Variants in HIBADH observed in about 807,000 individuals in gnomAD.
The protein encoded by HIBADH is 3-hydroxyisobutyrate dehydrogenase, also known as 3-hydroxyisobutyrate dehydrogenase, mitochondrial.
In HIBADH, 25 loss-of-function variants were observed where a neutral mutation model predicts 36.1. The ratio of observed to expected loss-of-function variants is 0.69; its 90% CI spans 0.50 to 0.97. HIBADH has a LOEUF of 0.97. HIBADH is among the 50% of genes least tolerant of loss of function. The pLI, the probability that HIBADH is intolerant of heterozygous loss-of-function variation, is 0.00. For missense variants in HIBADH, 421 were observed against 418.0 expected (o/e 1.01, Z -0.06); for synonymous variants, 160 against 149.5 (o/e 1.07, Z -0.51).
At chr7:27,558,961 A>G (rs920929615) in intron 4 of HIBADH, among the ~76,000 whole-genome samples, 1 of 152,190 alleles carries the variant, frequency 6.6e-6, no homozygotes, top group Non-Finnish European at 1.5e-5. Context: ...TGGGTGGCTT[A>G]AACAACAGAA....
intron 4 of HIBADH, among the ~76,000 whole-genome samples, chr7:27,572,374 A>G (rs1784642875): frequency 1.3e-5 from 2 of 152,260 alleles, no homozygotes; most frequent in Non-Finnish European, 2.9e-5. Context: ...TGCCAGAAGC[A>G]GTAGATGGCT....
intron 2 of HIBADH, among the ~76,000 whole-genome samples, chr7:27,636,450 T>C (rs2096762010): frequency 6.6e-6 from 1 of 152,224 alleles, no homozygotes; most frequent in African/African-American, 2.4e-5. Context: ...TGTGCCTACA[T>C]CTTGAAACAT....
intron 4 of HIBADH, among the ~76,000 whole-genome samples, chr7:27,590,890 G>C (rs1303109772): frequency 1.3e-5 from 2 of 152,190 alleles, no homozygotes; most frequent in African/African-American, 4.8e-5. Flanking sequence ...CTTTCAGTGA[G>C]GGACTCTGTT....
At chr7:27,610,547 G>A (rs115188345) in intron 4 of HIBADH, among the ~76,000 whole-genome samples, 5,215 of 152,224 alleles carry the variant, frequency 0.034, 118 homozygotes, top group South Asian at 0.093. Context: ...ACTGAGGTAA[G>A]AATAAAACAT....
intron 4 of HIBADH, among the ~76,000 whole-genome samples, chr7:27,608,759 T>C (rs1785274941): frequency 6.6e-6 from 1 of 152,242 alleles, no homozygotes; most frequent in African/African-American, 2.4e-5. Flanking sequence ...ATTTGCTAAA[T>C]TCACCTTTAT....
At chr7:27,543,905 A>G (rs1784196159) in intron 4 of HIBADH, among the ~76,000 whole-genome samples, 1 of 152,154 alleles carries the variant, frequency 6.6e-6, no homozygotes, top group African/African-American at 2.4e-5. Context: ...TATAATCTAG[A>G]CTTGTCCTAA....
chr7:27,649,701 TAGC>T lies in HIBADH; in HGVS notation c.92-71_92-69del, dbSNP rs1246730372. The T allele has an allele frequency of 4.3e-6, 6 of 1,396,634 alleles. No homozygotes were observed. The Admixed American group carries it at 1.4e-4, about 33-fold the overall frequency. 86.5% of individuals were successfully genotyped at this position (1,396,634 alleles called of 1,614,324 possible). A position where few individuals can be genotyped will look rare whatever the true frequency, so the allele number is the denominator to read the frequency against. ...TTTATTGTAAACATTCATTTAATATTAGCAAGTCAATTGTTAGATTTTTTTTTT... is the reference window on the plus strand; with the variant it reads ...TTTATTGTAAACATTCATTTAATATTAAGTCAATTGTTAGATTTTTTTTTT... On this transcript the variant is annotated intron_variant, in intron 1 of 7. Transcript: ENST00000265395.
chr7:27,583,222 C>T (rs1452046201), intron 4 of HIBADH, among the ~76,000 whole-genome samples: 1 of 151,920 alleles, frequency 6.6e-6, no homozygotes, highest in African/African-American at 2.4e-5. Context: ...AGATACACCG[C>T]TATTATACAG....
At chr7:27,527,804 G>A (rs921742994) in intron 7 of HIBADH, among the ~76,000 whole-genome samples, 2 of 146,286 alleles carry the variant, frequency 1.4e-5, no homozygotes, top group Non-Finnish European at 3.0e-5. Flanking sequence ...AGGCTGGAGT[G>A]TAGTGGCGCA....
intron 4 of HIBADH, among the ~76,000 whole-genome samples, chr7:27,599,517 C>T (rs1178310091): frequency 1.3e-5 from 2 of 151,564 alleles, no homozygotes; most frequent in Non-Finnish European, 2.9e-5. Context: ...CCCACCTCTA[C>T]TAAAAATACA....
chr7:27,539,419 TAA>T (rs1348088790), intron 5 of HIBADH, among the ~76,000 whole-genome samples: 4 of 151,682 alleles, frequency 2.6e-5, no homozygotes, highest in African/African-American at 9.7e-5. Context: ...TAGAGTGAGA[TAA>T]AGAGAGTCCT....
At chr7:27,609,453 A>G (rs1452377721) in intron 4 of HIBADH, among the ~76,000 whole-genome samples, 1 of 152,186 alleles carries the variant, frequency 6.6e-6, no homozygotes, top group Non-Finnish European at 1.5e-5. Flanking sequence ...AACTGTAGAA[A>G]ATCCCAGGCT....
intron 4 of HIBADH, among the ~76,000 whole-genome samples, chr7:27,610,832 T>C (rs989466301): frequency 5.3e-5 from 8 of 152,224 alleles, no homozygotes; most frequent in Admixed American, 4.6e-4. Flanking sequence ...GGTGCCAAAA[T>C]AGAAATAATT....
At chr7:27,551,535 T>C (rs536590476) in intron 4 of HIBADH, among the ~76,000 whole-genome samples, 2 of 152,290 alleles carry the variant, frequency 1.3e-5, no homozygotes, top group Admixed American at 6.5e-5. Context: ...AAATTTGGAA[T>C]TTAGCCTTAC....
intron 4 of HIBADH, among the ~76,000 whole-genome samples, chr7:27,558,495 T>A (rs952190704): frequency 2.0e-5 from 3 of 152,064 alleles, no homozygotes; most frequent in African/African-American, 7.2e-5. Context: ...ACCCAGCTAC[T>A]TTTTTGTATT....
At chr7:27,539,637 A>AG (rs1784117767) in intron 5 of HIBADH, among the ~76,000 whole-genome samples, 1 of 152,092 alleles carries the variant, frequency 6.6e-6, no homozygotes, top group Non-Finnish European at 1.5e-5. Flanking sequence ...ACAAATAGAG[A>AG]GGACTATGGC....
chr7:27,560,308 G>A lies in HIBADH; in HGVS notation c.485-17208C>T, dbSNP rs994414276. Among the ~76,000 whole-genome samples the A allele has an allele frequency of 7.2e-5, 11 of 152,276 alleles. No homozygotes were observed. In the South Asian group the frequency reaches 1.2e-3, roughly 17 times the overall value. On this transcript the variant is annotated intron_variant, in intron 4 of 7. Transcript: ENST00000265395. ...AATTTTTTGTATTTTTAGTAGAGAC[G>A]GGGTTTCGCCATGTTGGCCAGGCTG...
At chr7:27,544,398 T>C (rs1784203707) in intron 4 of HIBADH, among the ~76,000 whole-genome samples, 1 of 152,180 alleles carries the variant, frequency 6.6e-6, no homozygotes, top group Non-Finnish European at 1.5e-5. Context: ...AAACCTGAGA[T>C]GCTCACACAT....
At chr7:27,614,615 T>G (rs1325849150) in intron 4 of HIBADH, among the ~76,000 whole-genome samples, 1 of 152,218 alleles carries the variant, frequency 6.6e-6, no homozygotes, top group Non-Finnish European at 1.5e-5. Flanking sequence ...GTCCTTGCAA[T>G]AGCATGGATT....
Sources: allele counts gnomAD v4.1 joint callset (sites outside exome capture counted in the v4.1 genomes callset), GRCh38; gene constraint gnomAD v4.1.1; transcripts MANE v1.5; gene names NCBI Gene and HGNC (gene_info 2026-07-23, HGNC 2026-07-21).